OSBPL8: variants seen among roughly 807,000 people sequenced by gnomAD.
OSBPL8 encodes the protein oxysterol binding protein like 8, also known as oxysterol-binding protein-related protein 8.
A neutral mutation model predicts 125.5 loss-of-function variants in OSBPL8; 59 were observed. That is an observed-to-expected ratio of 0.47 (90% CI 0.38 to 0.58). The LOEUF is 0.58. OSBPL8 is among the 20% of genes least tolerant of loss of function. The pLI is 0.00. For synonymous variants in OSBPL8, 330 were observed against 338.9 expected (o/e 0.97, Z 0.29); for missense variants, 758 against 1,047.8 (o/e 0.72, Z 3.82).
intron 1 of OSBPL8, among the ~76,000 whole-genome samples, chr12:76,515,950 ATGGAT>A (rs1682302999): frequency 6.6e-6 from 1 of 152,202 alleles, no homozygotes; most frequent in Non-Finnish European, 1.5e-5. Context: ...TAAATAACCT[ATGGAT>A]TGAAGAAGTA....
intron 1 of OSBPL8, among the ~76,000 whole-genome samples, chr12:76,492,095 G>T (rs2175605): frequency 0.2 from 30,932 of 151,826 alleles, 3,387 homozygotes; most frequent in Non-Finnish European, 0.26. Flanking sequence ...TTAGAAGATA[G>T]TAAGTGCTAT....
intron 1 of OSBPL8, among the ~76,000 whole-genome samples, chr12:76,503,477 G>C (rs1220525072): frequency 6.6e-6 from 1 of 152,148 alleles, no homozygotes; most frequent in African/African-American, 2.4e-5. Context: ...ACATTCTGAG[G>C]TGCTGGAAGT....
intron 1 of OSBPL8, among the ~76,000 whole-genome samples, chr12:76,522,888 C>T (rs1439070896): frequency 6.6e-6 from 1 of 152,144 alleles, no homozygotes; most frequent in East Asian, 1.9e-4. Context: ...GTCACTGTCA[C>T]CCAGATTGGA....
At chr12:76,369,920 T>TA in intron 19 of OSBPL8, 98 bp from the exon 20 acceptor site, 1 of 1,162,566 alleles carries the variant, frequency 8.6e-7, no homozygotes, top group South Asian at 1.8e-5. Flanking sequence ...AAAATAATGC[T>TA]CACATGAATT....
At chr12:76,479,933 G>A (rs557941669) in intron 2 of OSBPL8, among the ~76,000 whole-genome samples, 6 of 152,154 alleles carry the variant, frequency 3.9e-5, no homozygotes, top group South Asian at 2.1e-4. Flanking sequence ...TTGGGAAGCC[G>A]AGGCTGGCGG....
chr12:76,367,884 A>G (rs535712582), intron 21 of OSBPL8, among the ~76,000 whole-genome samples: 1 of 152,338 alleles, frequency 6.6e-6, no homozygotes, highest in Admixed American at 6.5e-5. Context: ...ATCTTTACAC[A>G]TTGTATGTCT....
chr12:76,485,257 A>G (rs555720444), intron 2 of OSBPL8, among the ~76,000 whole-genome samples: 1 of 151,940 alleles, frequency 6.6e-6, no homozygotes, highest in South Asian at 2.1e-4. Context: ...TAACTTCTCA[A>G]TATCAACAAA....
intron 1 of OSBPL8, among the ~76,000 whole-genome samples, chr12:76,496,923 C>A (rs1229723003): frequency 2.0e-5 from 3 of 152,166 alleles, no homozygotes; most frequent in Non-Finnish European, 4.4e-5. Context: ...CCTCAATCCT[C>A]TCACTTCAGC....
chr12:76,392,767 AT>A lies in OSBPL8; in HGVS notation c.758-16del. On this transcript the variant is annotated splice_polypyrimidine_tract_variant and intron_variant, in intron 9 of 23. Transcript: ENST00000261183. ...CCAGCACCTTCCTAAAAGAACACAGATTCATAAGCACTATAATTTTTAAAAC... is the reference window on the plus strand; with the variant it reads ...CCAGCACCTTCCTAAAAGAACACAGATCATAAGCACTATAATTTTTAAAAC... The A allele has an allele frequency of 6.3e-7, 1 of 1,582,302 alleles. No homozygotes were observed. Among genetic ancestry groups the A allele is most frequent in the Non-Finnish European group, 8.6e-7 (1 of 1,158,150 alleles).
chr12:76,480,664 T>G (rs1877373949), intron 2 of OSBPL8, among the ~76,000 whole-genome samples: 1 of 152,196 alleles, frequency 6.6e-6, no homozygotes, highest in Non-Finnish European at 1.5e-5. Flanking sequence ...TTAAGAATTT[T>G]CATTATTTAG....
chr12:76,404,118 T>C (rs975529231), intron 5 of OSBPL8, among the ~76,000 whole-genome samples: 5 of 152,166 alleles, frequency 3.3e-5, no homozygotes, highest in African/African-American at 1.2e-4. Context: ...CTTTAAGAAT[T>C]GGAGTTGAAA....
At chr12:76,429,101 A>G (rs1324545096) in intron 4 of OSBPL8, among the ~76,000 whole-genome samples, 1 of 152,122 alleles carries the variant, frequency 6.6e-6, no homozygotes, top group Non-Finnish European at 1.5e-5. Flanking sequence ...ACATTGCTGT[A>G]GATTCTCCAT....
At chr12:76,493,805 C>T (rs922308268) in intron 1 of OSBPL8, among the ~76,000 whole-genome samples, 1 of 151,954 alleles carries the variant, frequency 6.6e-6, no homozygotes, top group South Asian at 2.1e-4. Context: ...CTTTCTGTCT[C>T]TCTCTATTCT....
chr12:76,445,315 TTAGAG>T (rs1872615388), intron 4 of OSBPL8, among the ~76,000 whole-genome samples: 1 of 152,238 alleles, frequency 6.6e-6, no homozygotes, highest in South Asian at 2.1e-4. Context: ...CTTTGCAACT[TTAGAG>T]TAGGCAAAAC....
At chr12:76,529,408 T>A (rs1220338213) in intron 1 of OSBPL8, among the ~76,000 whole-genome samples, 1 of 152,042 alleles carries the variant, frequency 6.6e-6, no homozygotes, top group African/African-American at 2.4e-5. Flanking sequence ...GTATGTCAGA[T>A]TACGAAACCC....
chr12:76,508,078 G>A (rs1880593627), intron 1 of OSBPL8, among the ~76,000 whole-genome samples: 1 of 151,828 alleles, frequency 6.6e-6, no homozygotes, highest in Non-Finnish European at 1.5e-5. Flanking sequence ...GGCTGAGGCA[G>A]GGGAATCGCT....
chr12:76,481,514 A>G (rs1877488407), intron 2 of OSBPL8, among the ~76,000 whole-genome samples: 1 of 152,078 alleles, frequency 6.6e-6, no homozygotes, highest in Non-Finnish European at 1.5e-5. Context: ...CCTGTAGTCC[A>G]AGCTACTCTG....
intron 6 of OSBPL8, 126 bp from the exon 7 acceptor site, chr12:76,400,100 AT>A: frequency 1.5e-6 from 1 of 681,702 alleles, no homozygotes; most frequent in Non-Finnish European, 2.4e-6. Flanking sequence ...TGTTGTACAT[AT>A]TTTATCATTC....
intron 5 of OSBPL8, among the ~76,000 whole-genome samples, chr12:76,405,262 C>T (rs187648500): frequency 1.1e-4 from 16 of 152,104 alleles, no homozygotes; most frequent in South Asian, 4.2e-4. Flanking sequence ...AGTTCAAAAC[C>T]GGCCTGGGCA....
Sources: allele counts gnomAD v4.1 joint callset (sites outside exome capture counted in the v4.1 genomes callset), GRCh38; gene constraint gnomAD v4.1.1; transcripts MANE v1.5; gene names NCBI Gene and HGNC (gene_info 2026-07-23, HGNC 2026-07-21).